Variants in SH3GL2 observed in about 807,000 individuals in gnomAD.
SH3GL2 encodes the protein endophilin-A1.
In SH3GL2, 24 loss-of-function variants were observed where a neutral mutation model predicts 46.0. The observed-to-expected ratio is 0.52, with a 90% CI of 0.38 to 0.73. SH3GL2 has a LOEUF of 0.73. Among genes scored for constraint, SH3GL2 ranks in the 30% least tolerant of loss-of-function variants. The pLI, the probability that SH3GL2 is intolerant of heterozygous loss-of-function variation, is 0.00. For synonymous variants in SH3GL2, 196 were observed against 147.1 expected (o/e 1.33, Z -2.40); for missense variants, 413 against 424.2 (o/e 0.97, Z 0.23).
chr9:17,695,854 A>G (rs1821190882), intron 1 of SH3GL2, among the ~76,000 whole-genome samples: 1 of 151,372 alleles, frequency 6.6e-6, no homozygotes, highest in African/African-American at 2.5e-5. Flanking sequence ...TCTGAGGAAC[A>G]TGGGTAGGGA....
intron 1 of SH3GL2, among the ~76,000 whole-genome samples, chr9:17,744,517 T>C (rs1049170431): frequency 1.3e-5 from 2 of 152,030 alleles, no homozygotes; most frequent in Non-Finnish European, 2.9e-5. Flanking sequence ...AGGTGCACAC[T>C]ACCATGTTCA....
chr9:17,656,035 T>C (rs1041664708), intron 1 of SH3GL2, among the ~76,000 whole-genome samples: 5 of 152,200 alleles, frequency 3.3e-5, no homozygotes, highest in African/African-American at 1.2e-4. Flanking sequence ...AAATCATATT[T>C]GGAGTGAAAG....
intron 1 of SH3GL2, among the ~76,000 whole-genome samples, chr9:17,624,215 G>A (rs561986854): frequency 1.3e-5 from 2 of 152,302 alleles, no homozygotes; most frequent in Non-Finnish European, 1.5e-5. Flanking sequence ...CAACCTGCAG[G>A]CACCTTATGC....
At chr9:17,789,271 T>C in intron 5 of SH3GL2, 121 bp from the exon 6 acceptor site, 4 of 733,714 alleles carry the variant, frequency 5.5e-6, no homozygotes, top group South Asian at 1.9e-5. Flanking sequence ...TCTGGTGGCG[T>C]TGTATTTTAA....
intron 2 of SH3GL2, among the ~76,000 whole-genome samples, chr9:17,756,253 G>T (rs987555061): frequency 6.6e-6 from 1 of 151,938 alleles, no homozygotes; most frequent in Non-Finnish European, 1.5e-5. Context: ...AGTAGAAATG[G>T]AAGTTTTTAT....
At chr9:17,789,891 AG>A (rs367828501) in intron 6 of SH3GL2, 1 of 443,238 alleles carries the variant, frequency 2.3e-6, no homozygotes, top group East Asian at 1.6e-4. Flanking sequence ...AGGGTACTTG[AG>A]GTATGGTTTC....
rs1045820812 is a variant in SH3GL2 at position 17,789,732 on chromosome 9, C to G, written c.624+182C>G. The G allele has an allele frequency of 2.9e-6, 4 of 1,356,098 alleles. No homozygotes were observed. The African/African-American group carries it at 5.9e-5, about 20-fold the overall frequency. 84.0% of individuals were successfully genotyped at this position (1,356,098 alleles called of 1,614,324 possible). A position where few individuals can be genotyped will look rare whatever the true frequency, so the allele number is the denominator to read the frequency against. On this transcript the variant is annotated intron_variant, in intron 6 of 8. Coordinates refer to ENST00000380607, the MANE Select transcript of SH3GL2 (RefSeq NM_003026.5). Reference sequence around the variant, plus strand: ...AGTAGACTGAGAAATAGAAAAGTTTCTTCTGCATTCCTGTAGTTTAACTAG... The same window carrying G: ...AGTAGACTGAGAAATAGAAAAGTTTGTTCTGCATTCCTGTAGTTTAACTAG...
intron 1 of SH3GL2, among the ~76,000 whole-genome samples, chr9:17,738,649 G>T (rs867696381): frequency 0.026 from 1,672 of 63,770 alleles, 46 homozygotes; most frequent in African/African-American, 0.076. Context: ...TATAGAGAGA[G>T]AGAGAGAGAG....
chr9:17,623,050 C>CCCCTTA (rs1819190897), intron 1 of SH3GL2, among the ~76,000 whole-genome samples: 1 of 109,092 alleles, frequency 9.2e-6, no homozygotes, highest in Non-Finnish European at 2.0e-5. Context: ...CCTTCCCCTT[C>CCCCTTA]CCCTTCCCCT....
At chr9:17,595,413 G>C (rs1361762303) in intron 1 of SH3GL2, among the ~76,000 whole-genome samples, 1 of 152,248 alleles carries the variant, frequency 6.6e-6, no homozygotes, top group East Asian at 1.9e-4. Flanking sequence ...TAGATTGGCA[G>C]AGATGAAAAG....
chr9:17,715,365 A>G (rs1243022083), intron 1 of SH3GL2, among the ~76,000 whole-genome samples: 1 of 151,524 alleles, frequency 6.6e-6, no homozygotes, highest in Admixed American at 6.6e-5. Context: ...GTTTTACTGA[A>G]GTTTGGACAT....
At chr9:17,623,253 G>A (rs1464596678) in intron 1 of SH3GL2, among the ~76,000 whole-genome samples, 1 of 152,018 alleles carries the variant, frequency 6.6e-6, no homozygotes, top group Non-Finnish European at 1.5e-5. Flanking sequence ...CCTACGATAC[G>A]TCTGAATGTT....
At chr9:17,785,262 A>G (rs112784931) in intron 3 of SH3GL2, among the ~76,000 whole-genome samples, 23 of 152,170 alleles carry the variant, frequency 1.5e-4, no homozygotes, top group Non-Finnish European at 1.2e-4. Context: ...GGCACTTGGC[A>G]TATTTACTTC....
At chr9:17,762,724 C>T (rs1025402225) in intron 3 of SH3GL2, among the ~76,000 whole-genome samples, 2 of 152,138 alleles carry the variant, frequency 1.3e-5, no homozygotes, top group African/African-American at 4.8e-5. Flanking sequence ...AAATGCTTAG[C>T]AAATTTGTCA....
chr9:17,774,870 T>C (rs1181415669), intron 3 of SH3GL2, among the ~76,000 whole-genome samples: 1 of 152,090 alleles, frequency 6.6e-6, no homozygotes, highest in Admixed American at 6.6e-5. Flanking sequence ...TGTTAGTTCT[T>C]CAAATATTTG....
intron 1 of SH3GL2, among the ~76,000 whole-genome samples, chr9:17,688,566 A>T (rs1031850306): frequency 6.6e-6 from 1 of 152,014 alleles, no homozygotes; most frequent in African/African-American, 2.4e-5. Flanking sequence ...GGCACCTCGG[A>T]GAAATGGCTG....
At chr9:17,673,777 C>T (rs1749290432) in intron 1 of SH3GL2, among the ~76,000 whole-genome samples, 1 of 152,196 alleles carries the variant, frequency 6.6e-6, no homozygotes, top group African/African-American at 2.4e-5. Context: ...TTCTTACTCA[C>T]CCTTGAGTCT....
intron 1 of SH3GL2, among the ~76,000 whole-genome samples, chr9:17,689,444 A>T (rs927902864): frequency 6.6e-6 from 1 of 152,092 alleles, no homozygotes; most frequent in Non-Finnish European, 1.5e-5. Flanking sequence ...AATTGTAACA[A>T]ATATGCCATA....
At chr9:17,652,607 T>C (rs759061351) in intron 1 of SH3GL2, among the ~76,000 whole-genome samples, 6 of 152,132 alleles carry the variant, frequency 3.9e-5, no homozygotes, top group Non-Finnish European at 8.8e-5. Context: ...CTATATATTA[T>C]ATAGAGTGAG....
Sources: gnomAD v4.1 joint callset for allele counts (sites outside exome capture counted in the v4.1 genomes callset) on GRCh38, gnomAD v4.1.1 for gene constraint, MANE v1.5 for transcripts, NCBI Gene and HGNC (gene_info 2026-07-23, HGNC 2026-07-21) for gene names.